CDH12: variants seen among roughly 807,000 people sequenced by gnomAD.
CDH12 encodes cadherin-12.
Under a neutral mutation model 74.1 loss-of-function variants are expected in CDH12, and 41 were observed. The observed-to-expected ratio is 0.55, with a 90% CI of 0.43 to 0.72. The LOEUF (loss-of-function observed/expected upper bound fraction) is 0.72. Among genes scored for constraint, CDH12 ranks in the 30% least tolerant of loss-of-function variants. The pLI, the probability that CDH12 is intolerant of heterozygous loss-of-function variation, is 0.00. For missense variants in CDH12, 945 were observed against 977.2 expected, an observed-to-expected ratio of 0.97 and a Z score of 0.44; for synonymous variants, 399 against 355.0, an observed-to-expected ratio of 1.12 and a Z score of -1.39.
intron 3 of CDH12, among the ~76,000 whole-genome samples, chr5:22,285,333 T>C (rs1335734718): frequency 7.2e-6 from 1 of 138,696 alleles, no homozygotes; most frequent in Non-Finnish European, 1.7e-5. Context: ...TTGTGAACCG[T>C]GCATATTTGC....
chr5:21,907,066 A>G (rs1383607928), intron 6 of CDH12, among the ~76,000 whole-genome samples: 1 of 152,202 alleles, frequency 6.6e-6, no homozygotes, highest in Non-Finnish European at 1.5e-5. Context: ...CTCAGTCTTA[A>G]TAGAAATACA....
chr5:22,062,382 G>A (rs371816588), intron 5 of CDH12, among the ~76,000 whole-genome samples: 12 of 152,094 alleles, frequency 7.9e-5, no homozygotes, highest in Non-Finnish European at 1.5e-4. Context: ...CCTCTTAAAT[G>A]TATTGCTGTC....
intron 1 of CDH12, among the ~76,000 whole-genome samples, chr5:22,531,351 A>G (rs567940012): frequency 6.6e-6 from 1 of 152,244 alleles, no homozygotes; most frequent in Non-Finnish European, 1.5e-5. Flanking sequence ...TTTCCATGTT[A>G]TGGTGAATGA....
chr5:22,326,481 C>T (rs926975172), intron 3 of CDH12, among the ~76,000 whole-genome samples: 6 of 152,138 alleles, frequency 3.9e-5, no homozygotes, highest in African/African-American at 9.7e-5. Flanking sequence ...GTGATCCGAC[C>T]GCCTCGGCCT....
chr5:22,823,626 C>G (rs1215392838), intron 1 of CDH12, among the ~76,000 whole-genome samples: 2 of 152,150 alleles, frequency 1.3e-5, no homozygotes, highest in Non-Finnish European at 2.9e-5. Flanking sequence ...CCAACCAAAT[C>G]TCTTCTCAAA....
chr5:22,032,968 A>G (rs1738925620), intron 5 of CDH12, among the ~76,000 whole-genome samples: 1 of 148,140 alleles, frequency 6.8e-6, no homozygotes, highest in Non-Finnish European at 1.5e-5. Context: ...AATAAGAAAC[A>G]TTTTCCCCCA....
chr5:21,805,355 G>A (rs1289862736), intron 9 of CDH12, among the ~76,000 whole-genome samples: 2 of 152,058 alleles, frequency 1.3e-5, no homozygotes, highest in East Asian at 3.9e-4. Context: ...GACATGAAAG[G>A]AGAATTTTGA....
intron 4 of CDH12, among the ~76,000 whole-genome samples, chr5:22,088,818 A>T (rs1743228739): frequency 6.6e-6 from 1 of 152,184 alleles, no homozygotes; most frequent in South Asian, 2.1e-4. Flanking sequence ...TTGGTAAGGT[A>T]ATTTATACAC....
chr5:22,679,409 T>C (rs1245121698), intron 1 of CDH12, among the ~76,000 whole-genome samples: 2 of 152,132 alleles, frequency 1.3e-5, no homozygotes, highest in Non-Finnish European at 2.9e-5. Flanking sequence ...TTTCACTACA[T>C]AGTTATAATA....
Position 21,842,307 on chromosome 5 carries a change from G to T in CDH12, c.668C>A (p.Pro223Gln). The part of the protein sequence containing the change: ...PKTGVIRTAL[P>Q]NMDREVKEQY... ...TTCTTTGACTTCTCTGTCCATGTTT[G>T]GCAAAGCTGTTCTAATAACACCTTA... Residue 223 changes from proline (P) to glutamine (Q), a missense_variant, in exon 8 of 15, where the codon CCA becomes CAA. Physicochemically the swap from Pro to Gln is moderately conservative, Grantham distance 76 (BLOSUM62 -1). Transcript: ENST00000382254. 1 of 1,610,102 alleles carries T rather than the reference G, an allele frequency of 6.2e-7. No homozygotes were observed. The highest frequency in any genetic ancestry group is 8.5e-7 in the Non-Finnish European group (1 of 1,177,984).
chr5:22,028,970 G>A lies in CDH12; in HGVS notation c.231+49476C>T, dbSNP rs559211777. On this transcript the variant is annotated intron_variant, in intron 5 of 14. Transcript: ENST00000382254. ...AGAAATAACGCCACATATCTACAGC[G>A]ATCTGATCTTTGACAAACCTGAGAA... Among the ~76,000 whole-genome samples, 6 of 151,938 alleles carry A rather than the reference G, an allele frequency of 3.9e-5. No individual in the cohort carries two copies. In the East Asian group the frequency reaches 9.7e-4, roughly 25 times the overall value.
chr5:22,186,165 C>T (rs1446022521), intron 4 of CDH12, among the ~76,000 whole-genome samples: 1 of 152,174 alleles, frequency 6.6e-6, no homozygotes, highest in Admixed American at 6.5e-5. Flanking sequence ...GTATGTGCGG[C>T]ATAAGATTTA....
intron 1 of CDH12, among the ~76,000 whole-genome samples, chr5:22,512,588 T>C (rs959561041): frequency 2.0e-5 from 3 of 152,134 alleles, no homozygotes; most frequent in Non-Finnish European, 2.9e-5. Flanking sequence ...TGGTTATCAA[T>C]AGTGGGGTAA....
chr5:22,678,844 G>A (rs1741346874), intron 1 of CDH12, among the ~76,000 whole-genome samples: 1 of 151,824 alleles, frequency 6.6e-6, no homozygotes, highest in African/African-American at 2.4e-5. Context: ...TCCTTACCTC[G>A]TTTGATTCTT....
chr5:22,234,504 C>G (rs964936582), intron 3 of CDH12, among the ~76,000 whole-genome samples: 2 of 152,040 alleles, frequency 1.3e-5, no homozygotes, highest in African/African-American at 4.8e-5. Flanking sequence ...CTGAGGCCTC[C>G]CCAGCCATGT....
intron 10 of CDH12, among the ~76,000 whole-genome samples, chr5:21,796,687 T>C (rs1746799253): frequency 6.6e-6 from 1 of 152,104 alleles, no homozygotes; most frequent in African/African-American, 2.4e-5. Flanking sequence ...TATTTTTAAA[T>C]TTATTCCAAG....
At position 22,250,184 on chromosome 5, in the gene CDH12, G is replaced by T. The variant is rs529256585; in HGVS notation, c.-332-37541C>A. ...CCAGATTAGGCTAAATATTAAAAAAGAAAAGAATATATATATATATAGTCT... is the reference window on the plus strand; with the variant it reads ...CCAGATTAGGCTAAATATTAAAAAATAAAAGAATATATATATATATAGTCT... On this transcript the variant is annotated intron_variant, in intron 3 of 14. Transcript: ENST00000382254. Among the ~76,000 whole-genome samples, 9 of 133,312 alleles carry T rather than the reference G, an allele frequency of 6.8e-5. No homozygotes were observed. In the South Asian group the frequency reaches 2.1e-3, roughly 32 times the overall value. 87.5% of individuals were successfully genotyped at this position (133,312 alleles called of 152,430 possible).
intron 6 of CDH12, among the ~76,000 whole-genome samples, chr5:21,866,053 T>C (rs1227599927): frequency 6.6e-6 from 1 of 152,236 alleles, no homozygotes; most frequent in African/African-American, 2.4e-5. Flanking sequence ...CTCTTTCACT[T>C]GGTTCTCACT....
At chr5:22,407,115 G>T (rs1054412500) in intron 2 of CDH12, among the ~76,000 whole-genome samples, 14 of 151,836 alleles carry the variant, frequency 9.2e-5, no homozygotes, top group African/African-American at 3.4e-4. Flanking sequence ...AAGTAAAATT[G>T]TACATCAATG....
Sources: gnomAD v4.1 joint callset for allele counts (sites outside exome capture counted in the v4.1 genomes callset) on GRCh38, gnomAD v4.1.1 for gene constraint, MANE v1.5 for transcripts, NCBI Gene and HGNC (gene_info 2026-07-23, HGNC 2026-07-21) for gene names.